Variants in DTNA observed in about 807,000 individuals in gnomAD.
DTNA encodes the protein dystrobrevin alpha.
A neutral mutation model predicts 100.7 loss-of-function variants in DTNA; 43 were observed. The ratio of observed to expected loss-of-function variants is 0.43; its 90% CI spans 0.33 to 0.55. The LOEUF (loss-of-function observed/expected upper bound fraction) is 0.55. DTNA is among the 20% of genes least tolerant of loss of function. The probability of loss-of-function intolerance (pLI) is 0.04; values close to 1 mark genes in which losing one functional copy is unlikely to be tolerated. For synonymous variants in DTNA, 349 were observed against 347.9 expected, an observed-to-expected ratio of 1.00 and a Z score of -0.04; for missense variants, 798 against 953.9, an observed-to-expected ratio of 0.84 and a Z score of 2.15.
intron 1 of DTNA, among the ~76,000 whole-genome samples, chr18:34,585,387 T>C (rs2049024997): frequency 6.6e-6 from 1 of 152,008 alleles, no homozygotes; most frequent in Non-Finnish European, 1.5e-5. Flanking sequence ...GCAACTAATA[T>C]CAGGAAAAAG....
At chr18:34,690,111 C>A (rs749280888) in intron 1 of DTNA, among the ~76,000 whole-genome samples, 44 of 152,192 alleles carry the variant, frequency 2.9e-4, no homozygotes, top group Non-Finnish European at 5.6e-4. Context: ...TGAGCAAGAC[C>A]ACTTGGCTCT....
At chr18:34,708,567 T>A (rs1245930993), upstream of DTNA, among the ~76,000 whole-genome samples, 2 of 152,228 alleles carry the variant, frequency 1.3e-5, no homozygotes, top group Non-Finnish European at 2.9e-5. Context: ...GACTGATCAG[T>A]TGCTCCTAGC....
At chr18:34,513,893 A>G (rs895542263) in intron 1 of DTNA, 7 of 152,164 alleles carry the variant, frequency 4.6e-5, no homozygotes, top group Admixed American at 4.6e-4. Context: ...TCTCTTCAAT[A>G]GAAACCTAAA....
intron 4 of DTNA, 55 bp downstream of exon 4, chr18:34,794,305 T>C (rs975639316): frequency 1.2e-6 from 2 of 1,600,184 alleles, no homozygotes; most frequent in African/African-American, 1.3e-5. Flanking sequence ...TCACTTCCTG[T>C]CTTACTTGGT....
intron 1 of DTNA, among the ~76,000 whole-genome samples, chr18:34,662,197 C>A (rs540776281): frequency 5.3e-5 from 8 of 151,090 alleles, no homozygotes; most frequent in Non-Finnish European, 1.0e-4. Context: ...AAGCAAGCCT[C>A]TTGTAATTTC....
upstream of DTNA, among the ~76,000 whole-genome samples, chr18:34,707,899 G>A (rs1179714028): frequency 6.6e-6 from 1 of 152,062 alleles, no homozygotes; most frequent in Non-Finnish European, 1.5e-5. Context: ...GAGTCACCGC[G>A]CTGAAGGATT....
At chr18:34,659,172 G>T (rs2074815895) in intron 1 of DTNA, among the ~76,000 whole-genome samples, 1 of 152,036 alleles carries the variant, frequency 6.6e-6, no homozygotes, top group African/African-American at 2.4e-5. Flanking sequence ...CTATCCAATA[G>T]AAACAGGATG....
At chr18:34,527,354 C>T (rs2042725926) in intron 1 of DTNA, among the ~76,000 whole-genome samples, 1 of 152,040 alleles carries the variant, frequency 6.6e-6, no homozygotes. Context: ...CCTATCTTCC[C>T]TTTGTCCCAT....
chr18:34,619,622 A>G (rs907678872), intron 1 of DTNA, among the ~76,000 whole-genome samples: 2 of 152,132 alleles, frequency 1.3e-5, no homozygotes, highest in African/African-American at 4.8e-5. Flanking sequence ...CTGACAACAG[A>G]ATGGATGGTA....
chr18:34,873,134 T>C (rs547996983), intron 17 of DTNA, among the ~76,000 whole-genome samples: 1 of 152,364 alleles, frequency 6.6e-6, no homozygotes, highest in South Asian at 2.1e-4. Context: ...ACCACTGTAC[T>C]AGGAAAATGA....
At chr18:34,840,894 T>C (rs2096254903) in intron 13 of DTNA, among the ~76,000 whole-genome samples, 1 of 152,158 alleles carries the variant, frequency 6.6e-6, no homozygotes, top group Non-Finnish European at 1.5e-5. Flanking sequence ...CTCATACCTG[T>C]CATGGTTCTA....
At chr18:34,788,090 T>A (rs1282186268) in intron 3 of DTNA, among the ~76,000 whole-genome samples, 2 of 152,234 alleles carry the variant, frequency 1.3e-5, no homozygotes, top group Non-Finnish European at 2.9e-5. Flanking sequence ...GCTCTATTAA[T>A]GGACGACTGG....
intron 1 of DTNA, among the ~76,000 whole-genome samples, chr18:34,561,429 T>G (rs1327515690): frequency 1.3e-5 from 2 of 152,178 alleles, no homozygotes; most frequent in Admixed American, 6.5e-5. Flanking sequence ...CTGTTAGACT[T>G]TTGAAGTACT....
At chr18:34,758,527 G>A (rs188500881) in intron 2 of DTNA, among the ~76,000 whole-genome samples, 1 of 152,298 alleles carries the variant, frequency 6.6e-6, no homozygotes, top group East Asian at 1.9e-4. Context: ...GAGGAGATTG[G>A]TCAATGTGAT....
At chr18:34,824,955 T>A (rs866267690) in intron 9 of DTNA, among the ~76,000 whole-genome samples, 5 of 146,770 alleles carry the variant, frequency 3.4e-5, no homozygotes, top group African/African-American at 7.6e-5. Flanking sequence ...AAAAAAAAAT[T>A]AAATCAATAG....
chr18:34,851,073 A>G (rs910084043), intron 14 of DTNA, among the ~76,000 whole-genome samples: 2 of 152,194 alleles, frequency 1.3e-5, no homozygotes, highest in Admixed American at 1.3e-4. Context: ...AGTAAGTCTT[A>G]CCAACTATGA....
intron 1 of DTNA, among the ~76,000 whole-genome samples, chr18:34,618,250 A>G (rs2055737770): frequency 6.6e-6 from 1 of 152,184 alleles, no homozygotes; most frequent in South Asian, 2.1e-4. Context: ...TTTGACATAT[A>G]TGATAATGAT....
chr18:34,576,945 A>G (rs904689244), intron 1 of DTNA, among the ~76,000 whole-genome samples: 6 of 152,156 alleles, frequency 3.9e-5, no homozygotes, highest in African/African-American at 1.4e-4. Flanking sequence ...TCTAGGCTAC[A>G]GCCTTAGAGA....
intron 1 of DTNA, among the ~76,000 whole-genome samples, chr18:34,733,322 C>G (rs745404789): frequency 6.6e-6 from 1 of 152,018 alleles, no homozygotes; most frequent in African/African-American, 2.4e-5. Flanking sequence ...TCTGTCCATT[C>G]GACCTAGAAG....
Sources: gnomAD v4.1 joint callset for allele counts (sites outside exome capture counted in the v4.1 genomes callset) on GRCh38, gnomAD v4.1.1 for gene constraint, MANE v1.5 for transcripts, NCBI Gene and HGNC (gene_info 2026-07-23, HGNC 2026-07-21) for gene names.